Variants in TBCK observed in about 807,000 individuals in gnomAD.
TBCK encodes TBC domain-containing protein kinase-like protein.
Under a neutral mutation model 113.4 loss-of-function variants are expected in TBCK, and 99 were observed. The observed-to-expected ratio is 0.87, with a 90% confidence interval of 0.74 to 1.03. TBCK has a LOEUF of 1.03. TBCK is among the 50% of genes least tolerant of loss of function. The pLI, the probability that TBCK is intolerant of heterozygous loss-of-function variation, is 0.00. For synonymous variants in TBCK, 369 were observed against 370.8 expected, an observed-to-expected ratio of 1.00 and a Z score of 0.05; for missense variants, 1,045 against 1,061.3, an observed-to-expected ratio of 0.98 and a Z score of 0.21.
At chr4:106,127,980 C>T (rs1745435388) in intron 23 of TBCK, among the ~76,000 whole-genome samples, 1 of 152,074 alleles carries the variant, frequency 6.6e-6, no homozygotes. Context: ...CACACACATG[C>T]GTGCACACAC....
At chr4:106,156,177 T>C (rs1266521645) in intron 23 of TBCK, among the ~76,000 whole-genome samples, 1 of 152,140 alleles carries the variant, frequency 6.6e-6, no homozygotes, top group East Asian at 1.9e-4. Context: ...CAGAATTCTC[T>C]GCAGAGACTG....
intron 23 of TBCK, among the ~76,000 whole-genome samples, chr4:106,162,237 C>A (rs1749882720): frequency 6.6e-6 from 1 of 152,196 alleles, no homozygotes; most frequent in African/African-American, 2.4e-5. Flanking sequence ...CTTCATGTCA[C>A]ACATCCAGGT....
At chr4:106,245,843 G>A (rs1760732816) in intron 10 of TBCK, among the ~76,000 whole-genome samples, 1 of 152,012 alleles carries the variant, frequency 6.6e-6, no homozygotes. Context: ...AAGAAAATTT[G>A]TTTTTTCCCT....
At chr4:106,116,431 A>G in intron 23 of TBCK, 53 bp from the exon 24 acceptor site, 1 of 1,402,870 alleles carries the variant, frequency 7.1e-7, no homozygotes, top group South Asian at 1.2e-5. Context: ...AGAAAAACAA[A>G]TTATCCCCAG....
chr4:106,049,924 T>G (rs895574884), intron 25 of TBCK, among the ~76,000 whole-genome samples: 2 of 152,032 alleles, frequency 1.3e-5, no homozygotes, highest in African/African-American at 4.8e-5. Flanking sequence ...AATGTGTAAC[T>G]AGCATTGAGA....
At chr4:106,285,005 GAATTT>G (rs781090365) in intron 3 of TBCK, among the ~76,000 whole-genome samples, 58 of 151,980 alleles carry the variant, frequency 3.8e-4, no homozygotes, top group Admixed American at 1.1e-3. Context: ...ATCACTATAG[GAATTT>G]AATTTGACAA....
chr4:106,060,005 G>A (rs1033098082), intron 25 of TBCK, among the ~76,000 whole-genome samples: 8 of 151,868 alleles, frequency 5.3e-5, no homozygotes, highest in Admixed American at 3.9e-4. Context: ...CCAGGCCTTA[G>A]CTCTCCAATT....
At chr4:106,309,360 T>C (rs1201015838) in intron 1 of TBCK, among the ~76,000 whole-genome samples, 1 of 141,688 alleles carries the variant, frequency 7.1e-6, no homozygotes, top group Non-Finnish European at 1.5e-5. Context: ...TCACCCAGGC[T>C]GGAGTGCAGT....
chr4:106,137,786 A>AT (rs556896791), intron 23 of TBCK, among the ~76,000 whole-genome samples: 32 of 137,750 alleles, frequency 2.3e-4, no homozygotes, highest in African/African-American at 5.6e-4. Context: ...GTAGAGACAG[A>AT]TTTTTTTTTT....
intron 19 of TBCK, among the ~76,000 whole-genome samples, chr4:106,220,277 C>T (rs1221340196): frequency 1.3e-5 from 2 of 152,166 alleles, no homozygotes; most frequent in Non-Finnish European, 2.9e-5. Flanking sequence ...CTGACGGGTT[C>T]TTCAGGGGTT....
chr4:106,194,835 T>C (rs1754040824), intron 20 of TBCK, 81 bp from the exon 21 acceptor site: 4 of 1,225,976 alleles, frequency 3.3e-6, no homozygotes, highest in Non-Finnish European at 4.6e-6. Flanking sequence ...ATAAACTAAA[T>C]GGTAAATGTA....
chr4:106,164,565 C>T (rs1750153935), intron 23 of TBCK: 1 of 151,706 alleles, frequency 6.6e-6, no homozygotes, highest in Non-Finnish European at 1.5e-5. Flanking sequence ...GTGAAAAACA[C>T]ATTTACAGTA....
chr4:106,103,897 T>C (rs1741838151), intron 24 of TBCK, among the ~76,000 whole-genome samples: 1 of 152,112 alleles, frequency 6.6e-6, no homozygotes, highest in Non-Finnish European at 1.5e-5. Context: ...GGGAATAACA[T>C]GGAACCAGGG....
intron 17 of TBCK, 107 bp downstream of exon 17, chr4:106,232,831 G>A (rs1759015224): frequency 8.9e-6 from 10 of 1,126,186 alleles, no homozygotes; most frequent in Non-Finnish European, 1.2e-5. Context: ...CGTCAATATT[G>A]ACTTTCCCCA....
intron 22 of TBCK, among the ~76,000 whole-genome samples, chr4:106,176,684 T>TG: frequency 6.6e-6 from 1 of 152,048 alleles, no homozygotes; most frequent in Non-Finnish European, 1.5e-5. Flanking sequence ...TCCTTTCTTT[T>TG]GGACATATAT....
intron 22 of TBCK, 122 bp downstream of exon 22, chr4:106,193,487 G>C: frequency 1.1e-6 from 1 of 936,828 alleles, no homozygotes. Context: ...CAGAGAGGAT[G>C]ATGAGGCCCA....
chr4:106,129,669 G>C (rs1745648934), intron 23 of TBCK, among the ~76,000 whole-genome samples: 1 of 152,102 alleles, frequency 6.6e-6, no homozygotes, highest in Admixed American at 6.5e-5. Flanking sequence ...ACACAAATAG[G>C]TAATAAAAAT....
intron 10 of TBCK, among the ~76,000 whole-genome samples, chr4:106,245,521 C>G (rs1760698997): frequency 6.6e-6 from 1 of 152,108 alleles, no homozygotes; most frequent in Non-Finnish European, 1.5e-5. Flanking sequence ...TTTAAGTGAG[C>G]CAGTCACTCT....
At chr4:106,193,122 G>T (rs1189993406) in intron 22 of TBCK, among the ~76,000 whole-genome samples, 1 of 152,082 alleles carries the variant, frequency 6.6e-6, no homozygotes, top group Non-Finnish European at 1.5e-5. Flanking sequence ...CTCCTGCATT[G>T]CATGACATAG....
Sources: allele counts gnomAD v4.1 joint callset (sites outside exome capture counted in the v4.1 genomes callset), GRCh38; gene constraint gnomAD v4.1.1; transcripts MANE v1.5; gene names NCBI Gene and HGNC (gene_info 2026-07-23, HGNC 2026-07-21).